ADAM23: variants seen among roughly 807,000 people sequenced by gnomAD.
The protein encoded by ADAM23 is ADAM metallopeptidase domain 23, also known as disintegrin and metalloproteinase domain-containing protein 23.
A neutral mutation model predicts 120.1 loss-of-function variants in ADAM23; 33 were observed. That is an observed-to-expected ratio of 0.27 (90% confidence interval 0.21 to 0.37). The LOEUF is 0.37. ADAM23 is among the 10% of genes least tolerant of loss of function. The probability of loss-of-function intolerance (pLI) is 1.00; values close to 1 mark genes in which losing one functional copy is unlikely to be tolerated. For missense variants in ADAM23, 862 were observed against 1,058.2 expected, an observed-to-expected ratio of 0.81 and a Z score of 2.57; for synonymous variants, 367 against 375.2, an observed-to-expected ratio of 0.98 and a Z score of 0.25.
intron 3 of ADAM23, among the ~76,000 whole-genome samples, chr2:206,486,184 C>G (rs1053241958): frequency 6.6e-6 from 1 of 152,112 alleles, no homozygotes; most frequent in Non-Finnish European, 1.5e-5. Flanking sequence ...TATTTAGCCC[C>G]AAAGGTCTTA....
chr2:206,526,903 CTTTAG>C (rs1448584362), intron 3 of ADAM23, among the ~76,000 whole-genome samples: 7 of 152,288 alleles, frequency 4.6e-5, no homozygotes, highest in Middle Eastern at 3.4e-3. Flanking sequence ...GTTTTCACCA[CTTTAG>C]TGGTGCAGAT....
chr2:206,592,609 A>C lies in ADAM23; in HGVS notation c.1959-8A>C. On this transcript the variant is annotated splice_polypyrimidine_tract_variant and splice_region_variant and intron_variant, in intron 21 of 25. Coordinates refer to ENST00000264377, the MANE Select transcript of ADAM23 (RefSeq NM_003812.4). ...TCTGGTCTGTTTGTTTTCTTTACAC[A>C]TGTTCAGTGATGTGTTCTGTGGATT... 6.2e-7 allele frequency: 1 copy of C among 1,613,218 alleles called. No individual in the cohort carries two copies. The highest frequency in any genetic ancestry group is 1.3e-5 in the African/African-American group (1 of 75,014).
intron 16 of ADAM23, among the ~76,000 whole-genome samples, chr2:206,571,148 T>C (rs376965387): frequency 6.8e-4 from 103 of 152,332 alleles, no homozygotes; most frequent in Non-Finnish European, 1.2e-3. Context: ...TAGAATGTAG[T>C]GGAGCTAATT....
Position 206,619,736 on chromosome 2 carries a change from T to C in ADAM23, c.*2109T>C, listed in dbSNP as rs145220488. On this transcript the variant is annotated 3_prime_UTR_variant, in exon 26 of 26. Transcript: ENST00000264377. ...TTTAACTGGGGAAGTACCACAAACA[T>C]AGAGCAGAGACTTTAATTTCTATAT... 3 of 152,304 alleles carry C rather than the reference T, an allele frequency of 2.0e-5. No individual in the cohort carries two copies. In the East Asian group the frequency reaches 5.8e-4, roughly 29 times the overall value. 9.4% of individuals were successfully genotyped at this position (152,304 alleles called of 1,614,324 possible). A position where few individuals can be genotyped will look rare whatever the true frequency, so the allele number is the denominator to read the frequency against.
intron 3 of ADAM23, among the ~76,000 whole-genome samples, chr2:206,492,170 A>G (rs72935475): frequency 0.046 from 6,983 of 152,312 alleles, 230 homozygotes; most frequent in Middle Eastern, 0.11. Flanking sequence ...TTTATCCCAC[A>G]TAGGAGGGGT....
chr2:206,587,055 G>A (rs1574550707), intron 18 of ADAM23, among the ~76,000 whole-genome samples: 1 of 152,118 alleles, frequency 6.6e-6, no homozygotes, highest in Non-Finnish European at 1.5e-5. Flanking sequence ...TTTTAACTCT[G>A]TAGGCAAGTG....
At position 206,444,152 on chromosome 2, in the gene ADAM23, GGTCCGTGTGCTCCGGGCTT is replaced by G. The variant is rs945468223; in HGVS notation, c.214+77_214+95del. The G allele has an allele frequency of 3.4e-6, 4 of 1,161,150 alleles. No individual in the cohort carries two copies. The African/African-American group carries it at 4.8e-5, about 14-fold the overall frequency. The allele number at this position is 1,161,150 out of a possible 1,614,324, so 71.9% of individuals were successfully genotyped here. On this transcript the variant is annotated intron_variant, in intron 1 of 25. Coordinates refer to ENST00000264377, the MANE Select transcript of ADAM23 (RefSeq NM_003812.4). Reference sequence around the variant, plus strand: ...TGCAGAGGAAAGCGAAGGGCGCGCGGGTCCGTGTGCTCCGGGCTTGTCCCCGGCTCGGCCTTTCCTTCCC... The same window carrying G: ...TGCAGAGGAAAGCGAAGGGCGCGCGGGTCCCCGGCTCGGCCTTTCCTTCCC...
At chr2:206,461,995 C>A (rs187726324) in intron 2 of ADAM23, among the ~76,000 whole-genome samples, 2 of 152,200 alleles carry the variant, frequency 1.3e-5, no homozygotes, top group Non-Finnish European at 2.9e-5. Context: ...GGCTAAGGAA[C>A]AGTGGTCAGC....
At position 206,571,769 on chromosome 2, in the gene ADAM23, G is replaced by A. The variant is rs147866783; in HGVS notation, c.1609G>A (p.Gly537Arg). 5 of 1,613,958 alleles carry A rather than the reference G, an allele frequency of 3.1e-6. No individual in the cohort carries two copies. The highest frequency in any genetic ancestry group is 2.2e-5 in the South Asian group (2 of 91,078). ...LCCKKCSLSN[G>R]AHCSDGPCCN... ...CTGTAAGAAATGTTCCCTCTCCAAC[G>A]GGGCTCACTGCAGCGACGGGCCCTG... The change falls in exon 17 of 26, where the codon GGG (glycine) becomes AGG (arginine). Residue 537 changes from glycine to arginine, a missense_variant. Physicochemically the swap from Gly to Arg is moderately radical, Grantham distance 125 (BLOSUM62 -2). Coordinates refer to ENST00000264377, the MANE Select transcript of ADAM23 (RefSeq NM_003812.4).
chr2:206,568,683 A>G (rs1436367293), intron 15 of ADAM23, among the ~76,000 whole-genome samples: 1 of 152,244 alleles, frequency 6.6e-6, no homozygotes, highest in Non-Finnish European at 1.5e-5. Flanking sequence ...AGCAGATGGT[A>G]TGGAAATTCT....
chr2:206,587,427 G>GT (rs3832131), intron 19 of ADAM23, 52 bp downstream of exon 19: 74 of 1,294,020 alleles, frequency 5.7e-5, no homozygotes, highest in South Asian at 1.7e-4. Flanking sequence ...TCATTGGAAA[G>GT]TTTTTTTTTC....
Position 206,481,257 on chromosome 2 carries a change from T to G in ADAM23, c.458T>G (p.Phe153Cys). The G allele has an allele frequency of 6.2e-7, 1 of 1,610,418 alleles. No homozygotes were observed. The highest frequency in any genetic ancestry group is 2.2e-5 in the East Asian group (1 of 44,574). The stretch of plus-strand genomic sequence containing the variant: ...GCTGTCCATCTGGCCCAGGCAAGCT[T>G]CCAGATTGAAGCCTTCGGCTCCAAA... ...NKAVHLAQAS[F>C]QIEAFGSKFI... The change falls in exon 3 of 26, where the codon TTC (phenylalanine) becomes TGC (cysteine). Residue 153 changes from phenylalanine to cysteine, a missense_variant. By Grantham distance (205) the Phe-to-Cys change is radical. This residue lies in a region of ADAM23 where 617 missense variants were observed against 813.5 expected (regional missense o/e 0.76). Transcript: ENST00000264377.
chr2:206,457,146 C>T (rs1695317155), intron 2 of ADAM23, among the ~76,000 whole-genome samples: 4 of 152,228 alleles, frequency 2.6e-5, no homozygotes, highest in Admixed American at 2.6e-4. Flanking sequence ...TAGCTCAACT[C>T]TCCAATGCAT....
At chr2:206,526,054 T>A (rs1442318791) in intron 3 of ADAM23, among the ~76,000 whole-genome samples, 2 of 152,104 alleles carry the variant, frequency 1.3e-5, no homozygotes, top group Non-Finnish European at 2.9e-5. Context: ...ATGGAAGATA[T>A]AAACTTTTGG....
intron 18 of ADAM23, among the ~76,000 whole-genome samples, chr2:206,575,349 T>TA (rs1698090724): frequency 6.6e-6 from 1 of 152,208 alleles, no homozygotes; most frequent in African/African-American, 2.4e-5. Context: ...CCCATACTGT[T>TA]ACACAGTTTT....
At chr2:206,493,751 T>A (rs931516619) in intron 3 of ADAM23, among the ~76,000 whole-genome samples, 20 of 152,252 alleles carry the variant, frequency 1.3e-4, no homozygotes, top group African/African-American at 4.8e-4. Context: ...TTTTTCCATT[T>A]TACAGGAATA....
At chr2:206,576,243 C>A (rs2105835503) in intron 18 of ADAM23, among the ~76,000 whole-genome samples, 1 of 144,448 alleles carries the variant, frequency 6.9e-6, no homozygotes, top group South Asian at 2.2e-4. Context: ...TAGAATACTA[C>A]TGTTTTTATG....
At chr2:206,609,827 C>A in intron 24 of ADAM23, 83 bp from the exon 25 acceptor site, 1 of 1,145,842 alleles carries the variant, frequency 8.7e-7, no homozygotes, top group East Asian at 2.8e-5. Context: ...TATTTACTTC[C>A]TGAAACTGCT....
intron 18 of ADAM23, among the ~76,000 whole-genome samples, chr2:206,579,827 C>T (rs979490022): frequency 3.3e-5 from 5 of 152,052 alleles, no homozygotes; most frequent in Admixed American, 6.5e-5. Flanking sequence ...GCAGTATGCT[C>T]GTCTTCAAAT....
Sources: allele counts gnomAD v4.1 joint callset (sites outside exome capture counted in the v4.1 genomes callset), GRCh38; gene constraint gnomAD v4.1.1; regional missense constraint gnomAD v4.1.1; transcripts MANE v1.5; gene names NCBI Gene and HGNC (gene_info 2026-07-23, HGNC 2026-07-21).